The following PARD3B variants were observed in gnomAD, a reference collection of about 807,000 sequenced individuals.
The protein encoded by PARD3B is partitioning defective 3 homolog B.
Under a neutral mutation model 130.2 loss-of-function variants are expected in PARD3B, and 103 were observed. The ratio of observed to expected loss-of-function variants is 0.79; its 90% confidence interval spans 0.67 to 0.93. PARD3B has a LOEUF of 0.93. Among genes scored for constraint, PARD3B ranks in the 40% least tolerant of loss-of-function variants. The pLI is 0.00. For missense variants in PARD3B, 1,609 were observed against 1,499.2 expected, an observed-to-expected ratio of 1.07 and a Z score of -1.21; for synonymous variants, 583 against 553.2, an observed-to-expected ratio of 1.05 and a Z score of -0.76.
chr2:204,952,106 T>A (rs762728231), intron 2 of PARD3B, among the ~76,000 whole-genome samples: 1 of 152,242 alleles, frequency 6.6e-6, no homozygotes, highest in African/African-American at 2.4e-5. Context: ...TGAAAGTTTT[T>A]AAAATGAGTT....
Position 205,440,332 on chromosome 2 carries a change from C to T in PARD3B, c.2742-38C>T, listed in dbSNP as rs1439565547. On this transcript the variant is annotated intron_variant, in intron 19 of 22. Coordinates refer to ENST00000406610, the MANE Select transcript of PARD3B (RefSeq NM_001302769.2). This position sits in a 1 kb window ranked among gnomAD's most constrained non-coding sequence, Gnocchi z 4.2. ...TATTTCATTGTATTATTATATGAAA[C>T]TCACATACATCTTTGCTACCTGTAC... 1.3e-6 allele frequency: 2 copies of T among 1,571,730 alleles called. No individual in the cohort carries two copies. Among genetic ancestry groups the T allele is most frequent in the African/African-American group, 1.4e-5 (1 of 73,734 alleles).
At chr2:205,282,181 G>A (rs1414640657) in intron 16 of PARD3B, among the ~76,000 whole-genome samples, 1 of 152,096 alleles carries the variant, frequency 6.6e-6, no homozygotes, top group African/African-American at 2.4e-5. Context: ...CAACAGAAGA[G>A]AGATACTGAA....
chr2:205,178,088 C>T (rs1219225239), intron 13 of PARD3B, among the ~76,000 whole-genome samples: 1 of 130,570 alleles, frequency 7.7e-6, no homozygotes, highest in African/African-American at 2.9e-5. Context: ...GGCAGATCAC[C>T]TAAGGTCGGA....
intron 2 of PARD3B, among the ~76,000 whole-genome samples, chr2:204,750,132 G>A (rs1432934405): frequency 6.6e-6 from 1 of 152,124 alleles, no homozygotes; most frequent in Non-Finnish European, 1.5e-5. Context: ...TTTTACTTAG[G>A]TGGCATAAGA....
chr2:204,899,184 T>TCTCCCTTCCCTCCCTTCC (rs200088765), intron 2 of PARD3B, among the ~76,000 whole-genome samples: 3 of 140,838 alleles, frequency 2.1e-5, no homozygotes, highest in African/African-American at 5.4e-5. Flanking sequence ...GGTCTTCTCT[T>TCTCCCTTCCCTCCCTTCC]CTCCCTTCCC....
chr2:205,090,424 A>G (rs137897925), intron 4 of PARD3B, among the ~76,000 whole-genome samples: 30 of 152,340 alleles, frequency 2.0e-4, no homozygotes, highest in African/African-American at 7.0e-4. Context: ...TTATTCTCAT[A>G]ACATATTAAA....
At chr2:205,104,688 T>G (rs1703075131) in intron 5 of PARD3B, among the ~76,000 whole-genome samples, 174 bp downstream of exon 5, 1 of 152,228 alleles carries the variant, frequency 6.6e-6, no homozygotes, top group Non-Finnish European at 1.5e-5. Context: ...TTTCTTCATA[T>G]GAGAACTTAC....
intron 22 of PARD3B, among the ~76,000 whole-genome samples, chr2:205,594,560 G>A (rs1270249177): frequency 1.3e-5 from 2 of 152,182 alleles, no homozygotes; most frequent in African/African-American, 4.8e-5. Flanking sequence ...GCAGGTGGGA[G>A]CAGAGCCTAA....
intron 15 of PARD3B, among the ~76,000 whole-genome samples, chr2:205,194,539 A>G (rs1033524288): frequency 2.0e-5 from 3 of 152,180 alleles, no homozygotes; most frequent in African/African-American, 7.2e-5. Context: ...CTTGATAAAC[A>G]TTTCCTGTTC....
chr2:204,753,362 G>A, intron 2 of PARD3B, among the ~76,000 whole-genome samples: 1 of 152,020 alleles, frequency 6.6e-6, no homozygotes, highest in Non-Finnish European at 1.5e-5. Context: ...ATTAATATAT[G>A]GTATTAAATG....
chr2:205,081,018 TTC>T (rs1701373696), intron 4 of PARD3B, among the ~76,000 whole-genome samples: 1 of 150,938 alleles, frequency 6.6e-6, no homozygotes, highest in Non-Finnish European at 1.5e-5. Flanking sequence ...TCTTTATATA[TTC>T]TCTGTTACAA....
intron 2 of PARD3B, among the ~76,000 whole-genome samples, chr2:204,772,473 A>C (rs1303770495): frequency 1.3e-5 from 2 of 152,124 alleles, no homozygotes; most frequent in East Asian, 3.8e-4. Flanking sequence ...TTGTGGTTGT[A>C]GGGACCATGG....
chr2:204,921,656 G>A (rs1002937399), intron 2 of PARD3B, among the ~76,000 whole-genome samples: 2 of 152,154 alleles, frequency 1.3e-5, no homozygotes, highest in African/African-American at 4.8e-5. Context: ...TCAGGAGCAT[G>A]TGAGAGAGGT....
intron 2 of PARD3B, among the ~76,000 whole-genome samples, chr2:204,695,721 A>G (rs1488825082): frequency 6.6e-6 from 1 of 152,020 alleles, no homozygotes; most frequent in Non-Finnish European, 1.5e-5. Flanking sequence ...ACATTTCTGC[A>G]TAGCCCAGAA....
intron 20 of PARD3B, among the ~76,000 whole-genome samples, chr2:205,489,175 G>A (rs1476477383): frequency 6.6e-6 from 1 of 151,984 alleles, no homozygotes; most frequent in East Asian, 1.9e-4. Context: ...CACTTGATAA[G>A]TTTCTTCTGT....
intron 2 of PARD3B, 124 bp downstream of exon 2, chr2:204,686,406 C>A: frequency 5.6e-6 from 4 of 711,858 alleles, no homozygotes; most frequent in Non-Finnish European, 9.6e-6. Context: ...GTTCAGGTTT[C>A]ACCTGGACAG....
At chr2:205,586,294 T>C (rs1036261551) in intron 22 of PARD3B, among the ~76,000 whole-genome samples, 35 of 152,222 alleles carry the variant, frequency 2.3e-4, no homozygotes, top group African/African-American at 8.0e-4. Flanking sequence ...GATTGTCCTC[T>C]TTTAGAGACT....
chr2:204,829,593 C>A (rs539555560), intron 2 of PARD3B, among the ~76,000 whole-genome samples: 1 of 152,244 alleles, frequency 6.6e-6, no homozygotes, highest in South Asian at 2.1e-4. Context: ...GAATTGTAAT[C>A]CCCAGTGTTG....
At chr2:204,836,911 TA>T (rs2044055606) in intron 2 of PARD3B, among the ~76,000 whole-genome samples, 1 of 152,192 alleles carries the variant, frequency 6.6e-6, no homozygotes, top group African/African-American at 2.4e-5. Context: ...AAAAGTGTTA[TA>T]AAAATGAGTT....
Sources: allele counts gnomAD v4.1 joint callset (sites outside exome capture counted in the v4.1 genomes callset), GRCh38; gene constraint gnomAD v4.1.1; non-coding constraint Gnocchi (gnomAD v3.1); transcripts MANE v1.5; gene names NCBI Gene and HGNC (gene_info 2026-07-23, HGNC 2026-07-21).